The following ZNF536 variants were observed in gnomAD, a reference collection of about 807,000 sequenced individuals.
ZNF536 encodes the protein zinc finger protein 536.
A neutral mutation model predicts 84.5 loss-of-function variants in ZNF536; 13 were observed. That is an observed-to-expected ratio of 0.15 (90% CI 0.10 to 0.24). ZNF536 has a LOEUF of 0.24. Ranked by LOEUF, ZNF536 falls within the 10% of genes least tolerant of loss-of-function variation. The pLI is 1.00. For missense variants in ZNF536, 1,536 were observed against 1,747.5 expected (o/e 0.88, Z 2.16); for synonymous variants, 811 against 742.5 (o/e 1.09, Z -1.50).
intron 1 of ZNF536, among the ~76,000 whole-genome samples, chr19:30,238,545 A>G (rs1282802910): frequency 6.6e-6 from 1 of 152,028 alleles, no homozygotes; most frequent in Non-Finnish European, 1.5e-5. Flanking sequence ...TGTGCTTTCC[A>G]TCTTTTCCCT....
chr19:30,545,528 G>A (rs1599755507), intron 3 of ZNF536, among the ~76,000 whole-genome samples: 1 of 150,516 alleles, frequency 6.6e-6, no homozygotes, highest in African/African-American at 2.4e-5. Flanking sequence ...CTCCCAAGTA[G>A]CTGGGACTAC....
Position 30,413,544 on chromosome 19 carries a change from T to C in ZNF536, c.-2-30017T>C, listed in dbSNP as rs190693463. 5.3e-4 allele frequency among the ~76,000 whole-genome samples: 81 copies of C among 152,360 alleles called. 1 individual carries two copies. Among genetic ancestry groups the C allele is most frequent in the African/African-American group, 1.9e-3 (77 of 41,592 alleles). On this transcript the variant is annotated intron_variant, in intron 1 of 4. Coordinates refer to ENST00000355537, the MANE Select transcript of ZNF536 (RefSeq NM_014717.3). ...ACATTTTTGAGATGTTGCATGGATGTTTGTAAAGAATTCATATTTTCTGTT... is the reference window on the plus strand; with the variant it reads ...ACATTTTTGAGATGTTGCATGGATGCTTGTAAAGAATTCATATTTTCTGTT...
chr19:30,389,555 C>A (rs2049494025), intron 1 of ZNF536, among the ~76,000 whole-genome samples: 1 of 152,142 alleles, frequency 6.6e-6, no homozygotes, highest in Non-Finnish European at 1.5e-5. Context: ...TCCCCAGGGG[C>A]TGTATTATGG....
intron 1 of ZNF536, among the ~76,000 whole-genome samples, chr19:30,668,955 G>T (rs946635667): frequency 3.3e-5 from 5 of 152,242 alleles, no homozygotes; most frequent in African/African-American, 1.2e-4. Flanking sequence ...GGCCACGGAG[G>T]AGCAGCTCAG....
At chr19:30,550,421 C>T (rs975968121) in intron 4 of ZNF536, among the ~76,000 whole-genome samples, 6 of 152,142 alleles carry the variant, frequency 3.9e-5, no homozygotes, top group Admixed American at 1.3e-4. Context: ...AGCCTTTCTC[C>T]GAAAAGAAGC....
At chr19:30,579,777 G>A (rs568928856) in intron 1 of ZNF536, among the ~76,000 whole-genome samples, 129 of 152,178 alleles carry the variant, frequency 8.5e-4, no homozygotes, top group Non-Finnish European at 1.5e-3. Flanking sequence ...TAATACTTTA[G>A]AAGATGTTTT....
At chr19:30,421,586 T>C (rs1600664967) in intron 1 of ZNF536, among the ~76,000 whole-genome samples, 1 of 152,156 alleles carries the variant, frequency 6.6e-6, no homozygotes, top group African/African-American at 2.4e-5. Flanking sequence ...TGTTCTCAAA[T>C]GCCTGGACTC....
At chr19:30,472,150 A>C (rs776397653) in intron 2 of ZNF536, among the ~76,000 whole-genome samples, 1 of 151,998 alleles carries the variant, frequency 6.6e-6, no homozygotes, top group South Asian at 2.1e-4. Context: ...ACAGCTGCCA[A>C]CCGGCTTCTC....
rs539537963 is a variant in ZNF536, at chr19:30,481,728, G to C, written c.2170+35996G>C. Among the ~76,000 whole-genome samples, 7 of 152,122 alleles carry C rather than the reference G, an allele frequency of 4.6e-5. No individual in the cohort carries two copies. In the South Asian group the frequency reaches 1.5e-3, roughly 32 times the overall value. ...GAACGGGTGGCTTTTGGTAACATGG[G>C]TAAGTTGTTTAGTGGTGATTTCTGA... On this transcript the variant is annotated intron_variant, in intron 2 of 4. Transcript: ENST00000355537.
At chr19:30,391,599 CA>C (rs1176779227) in intron 1 of ZNF536, among the ~76,000 whole-genome samples, 1 of 152,016 alleles carries the variant, frequency 6.6e-6, no homozygotes, top group African/African-American at 2.4e-5. Flanking sequence ...AACAAACAAT[CA>C]AAAAAACTGC....
chr19:30,528,176 T>C (rs139868315), intron 2 of ZNF536, among the ~76,000 whole-genome samples: 110 of 152,292 alleles, frequency 7.2e-4, no homozygotes, highest in African/African-American at 2.3e-3. Flanking sequence ...CCATGCGTGC[T>C]TGCTGGGGTA....
chr19:30,507,510 CA>C (rs1178023659), intron 2 of ZNF536, among the ~76,000 whole-genome samples: 2 of 151,712 alleles, frequency 1.3e-5, no homozygotes, highest in Non-Finnish European at 1.5e-5. Flanking sequence ...TAAAAGCAAA[CA>C]AAAAAGCAAC....
At chr19:30,519,285 G>A (rs991448966) in intron 2 of ZNF536, among the ~76,000 whole-genome samples, 3 of 152,088 alleles carry the variant, frequency 2.0e-5, no homozygotes, top group Non-Finnish European at 2.9e-5. Context: ...CTGTGTGGAT[G>A]TCGAGCCCTG....
rs2052223447 is a variant in ZNF536, at chr19:30,444,551, A to C, written c.989A>C (p.Gln330Pro). 5.0e-6 allele frequency: 8 copies of C among 1,613,522 alleles called. No homozygotes were observed. The East Asian group carries it at 1.8e-4, about 36-fold the overall frequency. ...GCACACATCACGGCCGAGTCGGCCC[A>C]GGGCCAGGGCCCCAACGGCGGTGGC... is the stretch of plus-strand genomic sequence containing the variant. ...EKAHITAESA[Q>P]GQGPNGGGEQ... The change falls in exon 2 of 5, where the codon CAG (glutamine) becomes CCG (proline). Residue 330 changes from glutamine (Q) to proline (P), a missense_variant. Coordinates refer to ENST00000355537, the MANE Select transcript of ZNF536 (RefSeq NM_014717.3).
chr19:30,382,596 C>G (rs537893133), intron 1 of ZNF536, among the ~76,000 whole-genome samples: 2 of 149,992 alleles, frequency 1.3e-5, no homozygotes, highest in African/African-American at 2.4e-5. Flanking sequence ...GAAGGAAGTT[C>G]TGTGTGAAAA....
intron 1 of ZNF536, among the ~76,000 whole-genome samples, chr19:30,406,545 G>A (rs978423550): frequency 1.8e-4 from 27 of 152,332 alleles, no homozygotes; most frequent in South Asian, 4.1e-4. Flanking sequence ...TAGGAAATGC[G>A]TATTTTTAGC....
At chr19:30,631,940 G>A (rs544991263) in intron 1 of ZNF536, among the ~76,000 whole-genome samples, 1 of 152,162 alleles carries the variant, frequency 6.6e-6, no homozygotes, top group Non-Finnish European at 1.5e-5. Context: ...TGCACCAAGA[G>A]GTGCTTTTGT....
intron 1 of ZNF536, among the ~76,000 whole-genome samples, chr19:30,603,740 CAT>C (rs1326454939): frequency 1.3e-5 from 2 of 152,138 alleles, no homozygotes; most frequent in Admixed American, 1.3e-4. Flanking sequence ...AAAAAAAGCA[CAT>C]GTGATTTGAA....
At chr19:30,671,540 G>GGGAGAA (rs773300997) in intron 1 of ZNF536, among the ~76,000 whole-genome samples, 2 of 152,124 alleles carry the variant, frequency 1.3e-5, no homozygotes, top group Non-Finnish European at 2.9e-5. Flanking sequence ...GAAGAACTGA[G>GGGAGAA]GGAGAAGGAG....
Sources: allele counts gnomAD v4.1 joint callset (sites outside exome capture counted in the v4.1 genomes callset), GRCh38; gene constraint gnomAD v4.1.1; transcripts MANE v1.5; gene names NCBI Gene and HGNC (gene_info 2026-07-23, HGNC 2026-07-21).